Variants in CPEB3 observed in about 807,000 individuals in gnomAD.
The protein encoded by CPEB3 is cytoplasmic polyadenylation element-binding protein 3.
A neutral mutation model predicts 67.2 loss-of-function variants in CPEB3; 20 were observed. That is an observed-to-expected ratio of 0.30 (90% CI 0.21 to 0.43). CPEB3 has a LOEUF of 0.43. Among genes scored for constraint, CPEB3 ranks in the 20% least tolerant of loss-of-function variants. CPEB3 has a pLI of 1.00. For missense variants in CPEB3, 746 were observed against 968.6 expected, an observed-to-expected ratio of 0.77 and a Z score of 3.05; for synonymous variants, 376 against 393.1, an observed-to-expected ratio of 0.96 and a Z score of 0.51.
At chr10:92,132,469 C>A (rs975532340) in intron 6 of CPEB3, among the ~76,000 whole-genome samples, 1 of 151,798 alleles carries the variant, frequency 6.6e-6, no homozygotes, top group Admixed American at 6.6e-5. Flanking sequence ...TGTCTTGCAG[C>A]GGGAAAAATC....
At chr10:92,254,522 TTA>T (rs1296344425) in intron 1 of CPEB3, among the ~76,000 whole-genome samples, 1 of 152,204 alleles carries the variant, frequency 6.6e-6, no homozygotes, top group African/African-American at 2.4e-5. Flanking sequence ...TTGGGTTTTT[TTA>T]TGTTTCTCAC....
intron 2 of CPEB3, chr10:92,216,925 A>T (rs1273701491): frequency 5.5e-6 from 4 of 722,056 alleles, no homozygotes; most frequent in Non-Finnish European, 9.6e-6. Flanking sequence ...CTTACCAGGC[A>T]GCTCTAACAG....
At chr10:92,231,581 C>A (rs1851269004) in intron 2 of CPEB3, among the ~76,000 whole-genome samples, 1 of 152,132 alleles carries the variant, frequency 6.6e-6, no homozygotes, top group African/African-American at 2.4e-5. Flanking sequence ...GTGACTTGAC[C>A]TCATCACTAG....
intron 1 of CPEB3, among the ~76,000 whole-genome samples, chr10:92,246,935 A>C (rs1009400848): frequency 2.6e-5 from 4 of 152,226 alleles, no homozygotes; most frequent in African/African-American, 9.6e-5. Flanking sequence ...ATTAATATGC[A>C]CAATGGACAA....
chr10:92,252,804 G>A (rs1379876447), intron 1 of CPEB3, among the ~76,000 whole-genome samples: 2 of 152,084 alleles, frequency 1.3e-5, no homozygotes, highest in Admixed American at 6.6e-5. Flanking sequence ...ACATGTGTGA[G>A]CCACTGTGCC....
At chr10:92,238,780 T>G (rs534109537) in intron 2 of CPEB3, among the ~76,000 whole-genome samples, 1 of 152,348 alleles carries the variant, frequency 6.6e-6, no homozygotes, top group South Asian at 2.1e-4. Flanking sequence ...TGATTGTTAT[T>G]AATGATTCTA....
rs980777476 is a variant in CPEB3 at position 92,163,153 on chromosome 10, C to T, written c.1222+17810G>A. Among the ~76,000 whole-genome samples, 6 of 152,094 alleles carry T rather than the reference C, an allele frequency of 3.9e-5. No homozygotes were observed. In the East Asian group the frequency reaches 9.6e-4, roughly 24 times the overall value. On this transcript the variant is annotated intron_variant, in intron 4 of 9. Coordinates refer to ENST00000265997, the MANE Select transcript of CPEB3 (RefSeq NM_014912.5). ...ACTGCCTTAAAAATCCCCTGTGCTC[C>T]GCAAGGCACAGTGGCTCACACCTGT...
At chr10:92,053,861 T>C (rs1383828061) in intron 9 of CPEB3, among the ~76,000 whole-genome samples, 1 of 152,120 alleles carries the variant, frequency 6.6e-6, no homozygotes, top group Non-Finnish European at 1.5e-5. Context: ...ATTTTTTGTA[T>C]TTTTAGTAGA....
intron 1 of CPEB3, among the ~76,000 whole-genome samples, chr10:92,256,418 T>A (rs1852516792): frequency 1.3e-5 from 2 of 148,440 alleles, no homozygotes; most frequent in African/African-American, 5.0e-5. Flanking sequence ...TGAAACAGAG[T>A]CTCACTCTGT....
chr10:92,187,208 C>T (rs1424366990), intron 3 of CPEB3, among the ~76,000 whole-genome samples: 2 of 152,166 alleles, frequency 1.3e-5, no homozygotes, highest in Non-Finnish European at 2.9e-5. Flanking sequence ...CATTTTAACA[C>T]CAAAGGGGTG....
chr10:92,203,386 GTGTATATATATACGTATATATATGTATA>G (rs1564862920), intron 2 of CPEB3, among the ~76,000 whole-genome samples: 38 of 145,192 alleles, frequency 2.6e-4, no homozygotes, highest in African/African-American at 6.0e-4. Flanking sequence ...ATATATGTAT[GTGTATATATATACGTATATATATGTATA>G]TGTATATATA....
At chr10:92,222,194 CTT>C (rs748320816) in intron 2 of CPEB3, among the ~76,000 whole-genome samples, 6 of 139,944 alleles carry the variant, frequency 4.3e-5, no homozygotes, top group Admixed American at 7.3e-5. Flanking sequence ...CTCCAAACCT[CTT>C]TTTTTTTTTT....
chr10:92,228,745 G>A (rs1164695677), intron 2 of CPEB3, among the ~76,000 whole-genome samples: 22 of 147,118 alleles, frequency 1.5e-4, no homozygotes, highest in Admixed American at 1.3e-3. Context: ...ACAGTGGCTC[G>A]CTCTGTTGCC....
At chr10:92,076,832 GAGGA>G (rs1842953814) in intron 9 of CPEB3, among the ~76,000 whole-genome samples, 1 of 128,716 alleles carries the variant, frequency 7.8e-6, no homozygotes, top group Non-Finnish European at 1.8e-5. Flanking sequence ...AGAGGAGGAG[GAGGA>G]AAGAAAGAGA....
intron 9 of CPEB3, among the ~76,000 whole-genome samples, chr10:92,066,979 G>A (rs4933713): frequency 0.015 from 2,309 of 151,746 alleles, 30 homozygotes; most frequent in Non-Finnish European, 0.024. Context: ...AACCTGGGAG[G>A]TGGAGATTGC....
intron 7 of CPEB3, among the ~76,000 whole-genome samples, chr10:92,110,736 C>T (rs1050607688): frequency 2.6e-5 from 4 of 152,184 alleles, no homozygotes; most frequent in South Asian, 2.1e-4. Flanking sequence ...TAAATAACTC[C>T]GTTCTTGATC....
At chr10:92,212,375 C>T (rs1850140482) in intron 2 of CPEB3, among the ~76,000 whole-genome samples, 1 of 151,778 alleles carries the variant, frequency 6.6e-6, no homozygotes, top group South Asian at 2.1e-4. Context: ...CTCAGCCTCC[C>T]AAGTAGCTGG....
At chr10:92,287,060 T>C (rs1431694209) in intron 1 of CPEB3, among the ~76,000 whole-genome samples, 1 of 152,172 alleles carries the variant, frequency 6.6e-6, no homozygotes, top group Non-Finnish European at 1.5e-5. Flanking sequence ...TCAAAATATA[T>C]CTCTGAGGAA....
intron 1 of CPEB3, among the ~76,000 whole-genome samples, chr10:92,250,858 A>AGTTTTTT (rs1454105127): frequency 2.9e-5 from 3 of 104,118 alleles, no homozygotes; most frequent in Non-Finnish European, 3.8e-5. Flanking sequence ...CACACAGTTA[A>AGTTTTTT]TTTTTTTTTT....
Sources: allele counts gnomAD v4.1 joint callset (sites outside exome capture counted in the v4.1 genomes callset), GRCh38; gene constraint gnomAD v4.1.1; transcripts MANE v1.5; gene names NCBI Gene and HGNC (gene_info 2026-07-23, HGNC 2026-07-21).